ARHGAP30: variants seen among roughly 807,000 people sequenced by gnomAD.
ARHGAP30 encodes Rho GTPase activating protein 30, also known as rho GTPase-activating protein 30.
In ARHGAP30, 23 loss-of-function variants were observed where a neutral mutation model predicts 72.0. The ratio of observed to expected loss-of-function variants is 0.32; its 90% CI spans 0.23 to 0.45. The LOEUF (loss-of-function observed/expected upper bound fraction) is 0.45, where lower values mean the gene tolerates loss of function less well. Among genes scored for constraint, ARHGAP30 ranks in the 20% least tolerant of loss-of-function variants. The pLI, the probability that ARHGAP30 is intolerant of heterozygous loss-of-function variation, is 1.00. For missense variants in ARHGAP30, 1,319 were observed against 1,383.4 expected (o/e 0.95, Z 0.74); for synonymous variants, 576 against 528.2 (o/e 1.09, Z -1.24).
In ARHGAP30 at chr1:161,056,377, T is replaced by G; in HGVS notation, c.345+11A>C. 1 of 1,612,972 alleles carries G rather than the reference T, an allele frequency of 6.2e-7. No individual in the cohort carries two copies. Among genetic ancestry groups the G allele is most frequent in the African/African-American group, 1.3e-5 (1 of 74,968 alleles). ...GAGCCCTGTCTTCCACCCCTCGGCC[T>G]CTCAACTCACAGCAAACTTGTCATA... On this transcript the variant is annotated intron_variant, in intron 3 of 11. Transcript: ENST00000368013.
At chr1:161,064,835 A>AAGAAAGAAAGAAAGAAAGAAAG (rs1571122305) in intron 1 of ARHGAP30, among the ~76,000 whole-genome samples, 6 of 73,138 alleles carry the variant, frequency 8.2e-5, no homozygotes, top group South Asian at 4.9e-4. Flanking sequence ...AAGAAAGAGA[A>AAGAAAGAAAGAAAGAAAGAAAG]AGAAAGAAAG....
chr1:161,056,621 C>G, intron 2 of ARHGAP30, 89 bp from the exon 3 acceptor site: 1 of 1,427,362 alleles, frequency 7.0e-7, no homozygotes, highest in East Asian at 2.3e-5. Context: ...CCGGCATGGT[C>G]GTGGGTCAAC....
At position 161,047,689 on chromosome 1, in the gene ARHGAP30, C is replaced by T. The variant is rs750880413; in HGVS notation, c.*26G>A. 6.7e-7 allele frequency: 1 copy of T among 1,494,844 alleles called. No individual in the cohort carries two copies. 92.6% of individuals were successfully genotyped at this position (1,494,844 alleles called of 1,614,324 possible). A position where few individuals can be genotyped will look rare whatever the true frequency, so the allele number is the denominator to read the frequency against. Reference sequence around the variant, plus strand: ...GGAGATTCAAGACAACTTGCTGGTCCCCTTTGCCCAGGGCTGTGGTCCTAA... The same window carrying T: ...GGAGATTCAAGACAACTTGCTGGTCTCCTTTGCCCAGGGCTGTGGTCCTAA... On this transcript the variant is annotated 3_prime_UTR_variant, in exon 12 of 12. Coordinates refer to ENST00000368013, the MANE Select transcript of ARHGAP30 (RefSeq NM_001025598.2).
chr1:161,065,275 C>T (rs1003148838), intron 1 of ARHGAP30, among the ~76,000 whole-genome samples: 8 of 152,096 alleles, frequency 5.3e-5, no homozygotes, highest in Admixed American at 2.0e-4. Context: ...TGGGCCTGGC[C>T]TATGTTTACC....
intron 1 of ARHGAP30, among the ~76,000 whole-genome samples, chr1:161,068,404 C>G (rs1033933689): frequency 1.3e-5 from 2 of 152,110 alleles, no homozygotes; most frequent in Non-Finnish European, 2.9e-5. Flanking sequence ...GATAGGGGTC[C>G]TCTCACTGGA....
chr1:161,048,573 A>G lies in ARHGAP30; in HGVS notation c.2448T>C (p.Asp816=). 1 of 1,612,952 alleles carries G rather than the reference A, an allele frequency of 6.2e-7. No individual in the cohort carries two copies. Among genetic ancestry groups the G allele is most frequent in the Non-Finnish European group, 8.5e-7 (1 of 1,179,726 alleles). The part of the protein sequence containing the change: ...GYHEARKDQG[D]GEDSRSPEAA... ...CTTCTGGGCTTCTGCTGTCTTCACCATCTCCTTGGTCTTTTCTTGCTTCAT... is the reference window on the plus strand; with the variant it reads ...CTTCTGGGCTTCTGCTGTCTTCACCGTCTCCTTGGTCTTTTCTTGCTTCAT... Residue 816 remains aspartate, a synonymous_variant, in exon 12 of 12, where the codon GAT becomes GAC. Transcript: ENST00000368013.
intron 1 of ARHGAP30, among the ~76,000 whole-genome samples, chr1:161,064,841 GAAA>G (rs1652634587): frequency 3.7e-5 from 4 of 107,902 alleles, no homozygotes; most frequent in Non-Finnish European, 5.5e-5. Flanking sequence ...GAGAAAGAAA[GAAA>G]GAAAGGAAAG....
rs764770079 is a variant in ARHGAP30, at chr1:161,048,887, C to G, written c.2134G>C (p.Glu712Gln). The change falls in exon 12 of 12, where the codon GAG becomes CAG. Residue 712 changes from glutamate to glutamine, a missense_variant. Transcript: ENST00000368013. ...KVRLREGSRE[E>Q]TEAKEEKSKG... ...GACTTCTCTTCCTTGGCCTCTGTCT[C>G]TTCCCTACTCCCTTCTCTCAATCTG... is the stretch of plus-strand genomic sequence containing the variant. The G allele has an allele frequency of 5.0e-6, 8 of 1,614,012 alleles. No homozygotes were observed. In the East Asian group the frequency reaches 1.8e-4, roughly 36 times the overall value.
At chr1:161,052,931 T>C (rs1441362474) in intron 6 of ARHGAP30, 134 bp from the exon 7 acceptor site, 9 of 1,132,672 alleles carry the variant, frequency 7.9e-6, no homozygotes, top group Non-Finnish European at 9.8e-6. Context: ...AGTGCCTCCA[T>C]GTCCATCACC....
chr1:161,052,303 G>T lies in ARHGAP30; in HGVS notation c.1001C>A (p.Ala334Glu). The T allele has an allele frequency of 1.2e-6, 2 of 1,613,920 alleles. No individual in the cohort carries two copies. Among genetic ancestry groups the T allele is most frequent in the Non-Finnish European group, 1.7e-6 (2 of 1,180,010 alleles). Residue 334 changes from alanine (A) to glutamate (E), a missense_variant, in exon 9 of 12, where the codon GCA becomes GAA. Ala to Glu is a moderately radical substitution (Grantham distance 107). Coordinates refer to ENST00000368013, the MANE Select transcript of ARHGAP30 (RefSeq NM_001025598.2). ...ATACTCACCATCACTGGCCCCAGCT[G>T]CAGCACTCAGTGAGTCCATGCTTTT... Reference protein sequence around the residue: ...PAKSMDSLSAAAGASDEPEGL... With the variant: ...PAKSMDSLSAEAGASDEPEGL...
chr1:161,053,474 C>G lies in ARHGAP30; in HGVS notation c.537-89G>C. On this transcript the variant is annotated intron_variant, in intron 5 of 11. Transcript: ENST00000368013. Reference sequence around the variant, plus strand: ...TGAAAATACCTTATTCTCTCTCTCTCTCTCTCTCTCTCTCTCTCTCTCTCT... The same window carrying G: ...TGAAAATACCTTATTCTCTCTCTCTGTCTCTCTCTCTCTCTCTCTCTCTCT... 10 of 961,536 alleles carry G rather than the reference C, an allele frequency of 1.0e-5. No individual in the cohort carries two copies. In the South Asian group the frequency reaches 1.6e-4, roughly 16 times the overall value. The allele number at this position is 961,536 out of a possible 1,614,324, so 59.6% of individuals were successfully genotyped here.
intron 1 of ARHGAP30, chr1:161,060,137 G>T: frequency 2.5e-6 from 1 of 399,342 alleles, no homozygotes. Flanking sequence ...AAACACAAAT[G>T]GGGTGTGGTG....
Position 161,069,448 on chromosome 1 carries a change from T to C in ARHGAP30, c.97+80A>G. On this transcript the variant is annotated intron_variant, in intron 1 of 11. Transcript: ENST00000368013. The surrounding 1 kb of genome is among the most constrained non-coding windows in gnomAD (Gnocchi z 4.9). The stretch of plus-strand genomic sequence containing the variant: ...TTCCCCAGGAGCACCGGAAACTGCT[T>C]CTGCCCTTCAGGCTGGATCGGGCTG... 6.9e-7 allele frequency: 1 copy of C among 1,446,230 alleles called. No homozygotes were observed. Among genetic ancestry groups the C allele is most frequent in the Non-Finnish European group, 9.6e-7 (1 of 1,043,626 alleles). 89.6% of individuals were successfully genotyped at this position (1,446,230 alleles called of 1,614,324 possible).
intron 10 of ARHGAP30, among the ~76,000 whole-genome samples, chr1:161,050,234 C>T (rs894780780): frequency 3.3e-5 from 5 of 151,886 alleles, no homozygotes; most frequent in African/African-American, 1.2e-4. Flanking sequence ...GCTAACAATA[C>T]CTATGTCATA....
chr1:161,062,984 T>C (rs1290999060), intron 1 of ARHGAP30, among the ~76,000 whole-genome samples: 1 of 152,032 alleles, frequency 6.6e-6, no homozygotes, highest in Non-Finnish European at 1.5e-5. Context: ...CCAGCTAATT[T>C]TGTATTTTTA....
Position 161,049,468 on chromosome 1 carries a change from G to C in ARHGAP30, c.1642C>G (p.Pro548Ala). The C allele has an allele frequency of 6.2e-7, 1 of 1,613,668 alleles. No homozygotes were observed. Among genetic ancestry groups the C allele is most frequent in the Non-Finnish European group, 8.5e-7 (1 of 1,179,866 alleles). Residue 548 changes from proline to alanine, a missense_variant, in exon 11 of 12, where the codon CCT (proline) becomes GCT (alanine). Transcript: ENST00000368013. ...AGCTCCTCCAGGTAGCCCATCCCAG[G>C]GTCGTCCTCCCCAGGGGAGAAGGCT... ...GAAFSPGEDDPGMGYLEELLG... is the reference protein window; with the variant it reads ...GAAFSPGEDDAGMGYLEELLG...
chr1:161,055,779 A>G (rs1651771168), intron 3 of ARHGAP30, among the ~76,000 whole-genome samples: 1 of 63,692 alleles, frequency 1.6e-5, no homozygotes, highest in Non-Finnish European at 3.3e-5. Flanking sequence ...GTGAGACTCC[A>G]TCTTAAAATT....
intron 2 of ARHGAP30, among the ~76,000 whole-genome samples, chr1:161,059,334 T>G (rs1382068109): frequency 1.9e-5 from 2 of 105,766 alleles, no homozygotes; most frequent in Non-Finnish European, 3.7e-5. Context: ...TGGCTCAAGT[T>G]TTTTTTTTTT....
intron 1 of ARHGAP30, among the ~76,000 whole-genome samples, 196 bp from the exon 2 acceptor site, chr1:161,059,912 T>C (rs1337565411): frequency 6.6e-6 from 1 of 152,182 alleles, no homozygotes; most frequent in Non-Finnish European, 1.5e-5. Flanking sequence ...TAGTGGGTCC[T>C]AAAGGTCCTG....
Sources: allele counts gnomAD v4.1 joint callset (sites outside exome capture counted in the v4.1 genomes callset), GRCh38; gene constraint gnomAD v4.1.1; non-coding constraint Gnocchi (gnomAD v3.1); transcripts MANE v1.5; gene names NCBI Gene and HGNC (gene_info 2026-07-23, HGNC 2026-07-21).